The following DIP2C variants were observed in gnomAD, a reference collection of about 807,000 sequenced individuals.
DIP2C encodes the protein DIP2 acetate--CoA ligase C (putative).
A neutral mutation model predicts 192.4 loss-of-function variants in DIP2C; 33 were observed. The ratio of observed to expected loss-of-function variants is 0.17; its 90% confidence interval spans 0.13 to 0.23. The LOEUF (loss-of-function observed/expected upper bound fraction) is 0.23. Ranked by LOEUF, DIP2C falls within the 10% of genes least tolerant of loss-of-function variation. The pLI, the probability that DIP2C is intolerant of heterozygous loss-of-function variation, is 1.00. For synonymous variants in DIP2C, 979 were observed against 864.1 expected (o/e 1.13, Z -2.33); for missense variants, 1,537 against 2,110.1 (o/e 0.73, Z 5.32).
chr10:488,598 C>T (rs1013634586), intron 1 of DIP2C, among the ~76,000 whole-genome samples: 6 of 152,172 alleles, frequency 3.9e-5, no homozygotes, highest in Non-Finnish European at 7.3e-5. Context: ...CGCATGTTCA[C>T]GCCCCGTACA....
chr10:343,925 C>A (rs868483829), intron 28 of DIP2C, among the ~76,000 whole-genome samples: 1 of 152,198 alleles, frequency 6.6e-6, no homozygotes, highest in Non-Finnish European at 1.5e-5. Flanking sequence ...CATGGACAAC[C>A]GTGTATGGGG....
chr10:513,475 TCTC>T (rs1846158435), intron 1 of DIP2C, among the ~76,000 whole-genome samples: 1 of 152,038 alleles, frequency 6.6e-6, no homozygotes, highest in Non-Finnish European at 1.5e-5. Context: ...GGCCCGCGCC[TCTC>T]CTCCACCGCG....
intron 25 of DIP2C, among the ~76,000 whole-genome samples, chr10:349,090 G>A (rs975708592): frequency 6.6e-6 from 1 of 152,216 alleles, no homozygotes; most frequent in Non-Finnish European, 1.5e-5. Context: ...ACACAAATTT[G>A]GATATAAAAG....
intron 26 of DIP2C, among the ~76,000 whole-genome samples, chr10:348,106 G>T (rs765316154): frequency 6.6e-6 from 1 of 152,236 alleles, no homozygotes; most frequent in South Asian, 2.1e-4. Flanking sequence ...CAGGTCTCCA[G>T]GACCATGCCA....
intron 2 of DIP2C, among the ~76,000 whole-genome samples, chr10:474,985 G>A (rs1588222082): frequency 1.3e-5 from 2 of 152,086 alleles, no homozygotes; most frequent in Admixed American, 1.3e-4. Context: ...TCTCACGGGG[G>A]CACACCACCA....
intron 29 of DIP2C, among the ~76,000 whole-genome samples, chr10:337,030 TGTTGTGGAGGCCTAGACTG>T (rs1179624733): frequency 4.2e-5 from 2 of 47,598 alleles, no homozygotes; most frequent in African/African-American, 1.9e-4. Context: ...TGTGTGTGTG[TGTTGTGGAGGCCTAGACTG>T]GTGTGTGTGT....
intron 5 of DIP2C, among the ~76,000 whole-genome samples, chr10:419,905 G>A (rs543285488): frequency 1.8e-4 from 27 of 152,334 alleles, no homozygotes; most frequent in Non-Finnish European, 3.1e-4. Context: ...AAGTTAAGCC[G>A]TACGTGGCTG....
intron 9 of DIP2C, among the ~76,000 whole-genome samples, chr10:404,359 C>A (rs1964655743): frequency 6.6e-6 from 1 of 152,074 alleles, no homozygotes; most frequent in Admixed American, 6.6e-5. Context: ...TAGGCATGCA[C>A]CACCACACTC....
intron 1 of DIP2C, among the ~76,000 whole-genome samples, chr10:512,100 T>C (rs1323663575): frequency 2.0e-5 from 3 of 152,258 alleles, no homozygotes; most frequent in African/African-American, 7.2e-5. Context: ...CCTCCTGCTC[T>C]TTGTAAATGT....
At position 454,822 on chromosome 10, in the gene DIP2C, G is replaced by C. The variant is rs956897272; in HGVS notation, c.269-13826C>G. 7.5e-4 allele frequency among the ~76,000 whole-genome samples: 114 copies of C among 152,280 alleles called. 1 individual carries two copies. The highest frequency in any genetic ancestry group is 2.6e-3 in the African/African-American group (110 of 41,560). On this transcript the variant is annotated intron_variant, in intron 3 of 36. Coordinates refer to ENST00000280886, the MANE Select transcript of DIP2C (RefSeq NM_014974.3). ...AACATGAGCACCCCTGGAACCCTCA[G>C]AGAAAGAGGTAGTATACAAATGCGC...
chr10:587,294 G>A (rs189587320), intron 1 of DIP2C, among the ~76,000 whole-genome samples: 10 of 152,324 alleles, frequency 6.6e-5, no homozygotes, highest in Admixed American at 5.9e-4. Flanking sequence ...CTGATACCAT[G>A]ACTTCAGGAG....
At chr10:387,487 T>G (rs1476632103) in intron 14 of DIP2C, among the ~76,000 whole-genome samples, 9 of 90,802 alleles carry the variant, frequency 9.9e-5, no homozygotes, top group African/African-American at 3.9e-4. Context: ...GGACAGGCAG[T>G]GCGGGCGGCG....
chr10:619,541 G>GCCCGCCCTCCCTCCCT, intron 1 of DIP2C, among the ~76,000 whole-genome samples: 6 of 67,962 alleles, frequency 8.8e-5, no homozygotes, highest in East Asian at 4.5e-4. Context: ...CCGCCCGCCC[G>GCCCGCCCTCCCTCCCT]CCCTCCCACC....
chr10:417,638 A>ACAGGCC lies in DIP2C; in HGVS notation c.739+1426_739+1427insGGCCTG, dbSNP rs1965752129. 3.6e-4 allele frequency among the ~76,000 whole-genome samples: 6 copies of ACAGGCC among 16,592 alleles called. 1 individual carries two copies. The highest frequency in any genetic ancestry group is 4.8e-4 in the Non-Finnish European group (3 of 6,280). The allele number at this position is 16,592 out of a possible 152,430, so 10.9% of individuals were successfully genotyped here. A position where few individuals can be genotyped will look rare whatever the true frequency, so the allele number is the denominator to read the frequency against. The stretch of plus-strand genomic sequence containing the variant: ...TCTGCCTGCGCCTGTCAGGGCTCGG[A>ACAGGCC]TAGGCCTCCCTGTCCACCTGTTCCT... On this transcript the variant is annotated intron_variant, in intron 6 of 36. Transcript: ENST00000280886.
chr10:610,720 G>A (rs551720588), intron 1 of DIP2C, among the ~76,000 whole-genome samples: 68 of 152,010 alleles, frequency 4.5e-4, no homozygotes, highest in Non-Finnish European at 8.2e-4. Flanking sequence ...GGGCCCTGGT[G>A]GGCGGTGACT....
At position 419,168 on chromosome 10, in the gene DIP2C, C is replaced by A; in HGVS notation, c.636G>T (p.Thr212=). The change falls in exon 6 of 37, where the codon ACG becomes ACT. Residue 212 remains threonine (T), a synonymous_variant. Coordinates refer to ENST00000280886, the MANE Select transcript of DIP2C (RefSeq NM_014974.3). ...CCTGTATCGAGTGCTCTGAGGTGTA[C>A]GTGGTTACGTCAGGAGGTGCAGAAT... ...ENHSAPPDVT[T]YTSEHSIQVE... 1.2e-6 allele frequency: 2 copies of A among 1,614,226 alleles called. No homozygotes were observed. Among genetic ancestry groups the A allele is most frequent in the South Asian group, 1.1e-5 (1 of 91,090 alleles).
At chr10:456,395 T>TG (rs1969299304) in intron 3 of DIP2C, among the ~76,000 whole-genome samples, 3 of 144,998 alleles carry the variant, frequency 2.1e-5, no homozygotes, top group Admixed American at 6.7e-5. Flanking sequence ...AGTGAGTCCC[T>TG]GCCTGAGGGG....
intron 29 of DIP2C, among the ~76,000 whole-genome samples, chr10:335,411 C>T (rs1768078741): frequency 6.6e-6 from 1 of 152,358 alleles, no homozygotes; most frequent in African/African-American, 2.4e-5. Flanking sequence ...CCAACGCATT[C>T]CTCCTGTCCC....
At position 550,316 on chromosome 10, in the gene DIP2C, G is replaced by C. The variant is rs144270232; in HGVS notation, c.86-63786C>G. Among the ~76,000 whole-genome samples, 818 of 152,192 alleles carry C rather than the reference G, an allele frequency of 5.4e-3. 9 individuals are homozygous for C. Among genetic ancestry groups the C allele is most frequent in the African/African-American group, 0.018 (767 of 41,502 alleles). On this transcript the variant is annotated intron_variant, in intron 1 of 36. Coordinates refer to ENST00000280886, the MANE Select transcript of DIP2C (RefSeq NM_014974.3). ...TGAGCCACAGTGCCCGGCCCATGTA[G>C]CTATTTAAATTTGTCTAAAATTAAA...
Sources: gnomAD v4.1 joint callset for allele counts (sites outside exome capture counted in the v4.1 genomes callset) on GRCh38, gnomAD v4.1.1 for gene constraint, MANE v1.5 for transcripts, NCBI Gene and HGNC (gene_info 2026-07-23, HGNC 2026-07-21) for gene names.